Variants in ZNF257 observed in about 807,000 individuals in gnomAD.
ZNF257 encodes zinc finger protein 257, also known as bone marrow zinc finger 4.
A neutral mutation model predicts 11.9 loss-of-function variants in ZNF257; 12 were observed. The observed-to-expected ratio is 1.01, with a 90% confidence interval of 0.65 to 1.63. The LOEUF (loss-of-function observed/expected upper bound fraction) is 1.63. ZNF257 is among the 40% of genes most tolerant of loss of function. The pLI, the probability that ZNF257 is intolerant of heterozygous loss-of-function variation, is 0.00. For synonymous variants in ZNF257, 183 were observed against 222.7 expected (o/e 0.82, Z 1.59); for missense variants, 580 against 665.5 (o/e 0.87, Z 1.41).
chr19:22,057,666 C>T (rs568079676), intron 1 of ZNF257, among the ~76,000 whole-genome samples: 1 of 152,210 alleles, frequency 6.6e-6, no homozygotes, highest in Non-Finnish European at 1.5e-5. Context: ...TTAAGGACTG[C>T]AAAGCTTAGG....
chr19:22,053,194 C>G (rs1240945354), intron 1 of ZNF257, among the ~76,000 whole-genome samples: 1 of 151,756 alleles, frequency 6.6e-6, no homozygotes, highest in African/African-American at 2.4e-5. Context: ...TATGGTGAAA[C>G]CCCGCCTCTA....
At chr19:22,076,930 C>T (rs889312501) in intron 3 of ZNF257, among the ~76,000 whole-genome samples, 2 of 152,144 alleles carry the variant, frequency 1.3e-5, no homozygotes, top group Non-Finnish European at 2.9e-5. Context: ...CCTCATGATC[C>T]GCCTGCCTTG....
At chr19:22,086,924 T>C (rs1023622613) in intron 3 of ZNF257, among the ~76,000 whole-genome samples, 2 of 151,860 alleles carry the variant, frequency 1.3e-5, no homozygotes, top group Non-Finnish European at 2.9e-5. Flanking sequence ...TGTATTTTTG[T>C]TTTTTGAACT....
intron 1 of ZNF257, among the ~76,000 whole-genome samples, chr19:22,061,867 CT>C (rs79974443): frequency 0.24 from 34,644 of 145,460 alleles, 5,206 homozygotes; most frequent in African/African-American, 0.44. Flanking sequence ...TTGTTGAAAG[CT>C]TTTTTTTTTT....
At chr19:22,069,712 T>C (rs1345893822) in intron 1 of ZNF257, among the ~76,000 whole-genome samples, 2 of 125,320 alleles carry the variant, frequency 1.6e-5, no homozygotes, top group East Asian at 4.6e-4. Flanking sequence ...TTTTTATTTC[T>C]TTTATTTTGC....
intron 3 of ZNF257, among the ~76,000 whole-genome samples, chr19:22,083,187 C>T (rs749571303): frequency 3.3e-5 from 5 of 151,944 alleles, no homozygotes; most frequent in Non-Finnish European, 5.9e-5. Context: ...TAAAAACTAC[C>T]GACAGGGTGT....
Position 22,089,382 on chromosome 19 carries a change from A to G in ZNF257, c.1632A>G (p.Lys544=). 6.2e-7 allele frequency: 1 copy of G among 1,613,132 alleles called. No individual in the cohort carries two copies. Among genetic ancestry groups the G allele is most frequent in the Non-Finnish European group, 8.5e-7 (1 of 1,179,482 alleles). ...KRIHAGENPN[K]YEECGKACNH... is the part of the protein sequence containing the mutation. ...TTCATGCTGGAGAGAACCCCAACAA[A>G]TATGAAGAATGTGGCAAAGCTTGTA... is the stretch of plus-strand genomic sequence containing the variant. The change falls in exon 4 of 4, where the codon AAA becomes AAG. Residue 544 remains lysine (K), a synonymous_variant. Coordinates refer to ENST00000594947, the MANE Select transcript of ZNF257 (RefSeq NM_033468.4).
In ZNF257 at chr19:22,089,717, A is replaced by T; in HGVS notation, c.*275A>T. ...GAAGATAAAGCCTACAAATATGAAG[A>T]ATGTGACAAGGCCTTTAAAAGTTCT... On this transcript the variant is annotated 3_prime_UTR_variant, in exon 4 of 4. Coordinates refer to ENST00000594947, the MANE Select transcript of ZNF257 (RefSeq NM_033468.4). The T allele has an allele frequency of 1.5e-6, 1 of 689,548 alleles. No homozygotes were observed. The highest frequency in any genetic ancestry group is 2.2e-6 in the Non-Finnish European group (1 of 464,110). The allele number at this position is 689,548 out of a possible 1,614,324, so 42.7% of individuals were successfully genotyped here.
At chr19:22,075,848 A>C (rs1367963998) in intron 3 of ZNF257, 1 of 152,184 alleles carries the variant, frequency 6.6e-6, no homozygotes, top group South Asian at 2.1e-4. Context: ...CTGTCATTAC[A>C]GGTTTGAGCC....
chr19:22,076,154 A>C (rs966178500), intron 3 of ZNF257, among the ~76,000 whole-genome samples: 3 of 152,036 alleles, frequency 2.0e-5, no homozygotes, highest in African/African-American at 7.2e-5. Flanking sequence ...TACAGGCAAA[A>C]AGGAATTATA....
chr19:22,067,791 G>A (rs1440581012), intron 1 of ZNF257, among the ~76,000 whole-genome samples: 4 of 151,796 alleles, frequency 2.6e-5, no homozygotes, highest in Admixed American at 1.3e-4. Flanking sequence ...CCGAGATCGC[G>A]CCACTGCACT....
intron 1 of ZNF257, among the ~76,000 whole-genome samples, chr19:22,066,688 T>C (rs9653157): frequency 0.24 from 36,125 of 152,142 alleles, 5,834 homozygotes; most frequent in African/African-American, 0.46. Context: ...AAAACTGCCT[T>C]TTGTCATGAA....
chr19:22,073,778 A>C (rs1390446181), intron 3 of ZNF257, among the ~76,000 whole-genome samples: 4 of 151,834 alleles, frequency 2.6e-5, no homozygotes, highest in African/African-American at 9.7e-5. Flanking sequence ...CTTTCCTTTC[A>C]GTCATTTTCC....
intron 1 of ZNF257, among the ~76,000 whole-genome samples, chr19:22,056,019 C>T (rs899748902): frequency 6.9e-6 from 1 of 145,620 alleles, no homozygotes; most frequent in Admixed American, 6.9e-5. Context: ...CGCACCACTG[C>T]ACTCCAGCCT....
intron 1 of ZNF257, 29 bp downstream of exon 1, chr19:22,052,664 A>G: frequency 6.2e-7 from 1 of 1,605,378 alleles, no homozygotes; most frequent in South Asian, 1.1e-5. Flanking sequence ...ACATCCTGGG[A>G]GAGGGGAAGG....
intron 1 of ZNF257, among the ~76,000 whole-genome samples, chr19:22,059,877 C>T (rs2163835): frequency 0.24 from 35,872 of 151,542 alleles, 5,733 homozygotes; most frequent in African/African-American, 0.46. Context: ...CACATGCCAC[C>T]ACACCCACTA....
chr19:22,054,118 GCTGGAGTGCAGGGGCGAGA>G (rs2145680828), intron 1 of ZNF257, among the ~76,000 whole-genome samples: 1 of 150,578 alleles, frequency 6.6e-6, no homozygotes, highest in South Asian at 2.1e-4. Context: ...TGTCACCCAG[GCTGGAGTGCAGGGGCGAGA>G]TTTCTGCTCA....
At chr19:22,053,655 G>T (rs1334274064) in intron 1 of ZNF257, among the ~76,000 whole-genome samples, 1 of 152,188 alleles carries the variant, frequency 6.6e-6, no homozygotes, top group Non-Finnish European at 1.5e-5. Flanking sequence ...GGCCGGCGCT[G>T]TGGCTCACGC....
intron 3 of ZNF257, among the ~76,000 whole-genome samples, chr19:22,076,539 C>T (rs1185751126): frequency 6.6e-6 from 1 of 152,068 alleles, no homozygotes; most frequent in African/African-American, 2.4e-5. Context: ...GAAATACCTG[C>T]CTTCCATGAG....
Sources: gnomAD v4.1 joint callset for allele counts (sites outside exome capture counted in the v4.1 genomes callset) on GRCh38, gnomAD v4.1.1 for gene constraint, MANE v1.5 for transcripts, NCBI Gene and HGNC (gene_info 2026-07-23, HGNC 2026-07-21) for gene names.